IGSF21: variants seen among roughly 807,000 people sequenced by gnomAD.
IGSF21 encodes immunoglobulin superfamily member 21.
A neutral mutation model predicts 46.8 loss-of-function variants in IGSF21; 28 were observed. The ratio of observed to expected loss-of-function variants is 0.60; its 90% CI spans 0.44 to 0.82. The LOEUF (loss-of-function observed/expected upper bound fraction) is 0.82. IGSF21 is among the 40% of genes least tolerant of loss of function. The pLI is 0.00. For missense variants in IGSF21, 624 were observed against 665.5 expected (o/e 0.94, Z 0.69); for synonymous variants, 284 against 273.6 (o/e 1.04, Z -0.38).
intron 3 of IGSF21, among the ~76,000 whole-genome samples, chr1:18,309,103 G>A (rs564728457): frequency 1.8e-4 from 27 of 151,764 alleles, no homozygotes; most frequent in African/African-American, 5.6e-4. Context: ...AGCTTGCCCC[G>A]AGCAGAGCCA....
intron 1 of IGSF21, among the ~76,000 whole-genome samples, chr1:18,119,662 C>T (rs575748693): frequency 6.6e-6 from 1 of 152,160 alleles, no homozygotes; most frequent in African/African-American, 2.4e-5. Context: ...AGCTTTAATG[C>T]CCCTCTATCA....
At chr1:18,189,674 C>G (rs374168359) in intron 1 of IGSF21, among the ~76,000 whole-genome samples, 1 of 151,968 alleles carries the variant, frequency 6.6e-6, no homozygotes, top group Non-Finnish European at 1.5e-5. Context: ...CTCACTGATG[C>G]AGTTCACAGT....
rs889504472 is a variant in IGSF21 at position 18,337,556 on chromosome 1, T to C, written c.424+2546T>C. ...GCCCTGCACTAGTCTGAGGAATGAC[T>C]GCTCTGGGAACACAGCTTCACGCAC... On this transcript the variant is annotated intron_variant, in intron 4 of 9. Transcript: ENST00000251296. This position sits in a 1 kb window ranked among gnomAD's most constrained non-coding sequence, Gnocchi z 5.7. Among the ~76,000 whole-genome samples the C allele has an allele frequency of 2.0e-5, 3 of 152,260 alleles. No individual in the cohort carries two copies. The highest frequency in any genetic ancestry group is 6.5e-5 in the Admixed American group (1 of 15,308).
At chr1:18,371,629 A>C (rs2086226039) in intron 6 of IGSF21, among the ~76,000 whole-genome samples, 1 of 152,156 alleles carries the variant, frequency 6.6e-6, no homozygotes, top group Admixed American at 6.5e-5. Flanking sequence ...TCACTGTGTG[A>C]GTCCATTTAT....
At chr1:18,313,212 G>A (rs1256927681) in intron 3 of IGSF21, among the ~76,000 whole-genome samples, 2 of 152,158 alleles carry the variant, frequency 1.3e-5, no homozygotes, top group African/African-American at 4.8e-5. Context: ...GGGAGGTCTC[G>A]GGCTTCAAAT....
chr1:18,351,620 A>AGGC, intron 4 of IGSF21, among the ~76,000 whole-genome samples: 1 of 152,148 alleles, frequency 6.6e-6, no homozygotes, highest in South Asian at 2.1e-4. Context: ...CAGTTCTTGA[A>AGGC]TGTGCCTCCC....
intron 1 of IGSF21, among the ~76,000 whole-genome samples, chr1:18,123,694 G>A (rs1261595862): frequency 1.3e-5 from 2 of 152,128 alleles, no homozygotes; most frequent in Non-Finnish European, 1.5e-5. Flanking sequence ...AAAGAAGGGA[G>A]TGGAGGGATC....
At chr1:18,316,034 G>A (rs1196271776) in intron 3 of IGSF21, among the ~76,000 whole-genome samples, 1 of 152,190 alleles carries the variant, frequency 6.6e-6, no homozygotes, top group Non-Finnish European at 1.5e-5. Flanking sequence ...CTCCAGTGCA[G>A]GTATTCCCGC....
intron 1 of IGSF21, among the ~76,000 whole-genome samples, chr1:18,163,771 G>A (rs929622615): frequency 2.0e-5 from 3 of 152,146 alleles, no homozygotes; most frequent in Non-Finnish European, 4.4e-5. Context: ...GAACAGAAGT[G>A]CCCACCAATG....
At chr1:18,361,931 T>C in intron 4 of IGSF21, 184 bp from the exon 5 acceptor site, 1 of 586,018 alleles carries the variant, frequency 1.7e-6, no homozygotes, top group Non-Finnish European at 3.1e-6. Context: ...CTCTTGTCTA[T>C]ATTCCCAGCA....
chr1:18,317,269 T>C (rs1011540264), intron 3 of IGSF21, among the ~76,000 whole-genome samples: 1 of 152,208 alleles, frequency 6.6e-6, no homozygotes, highest in African/African-American at 2.4e-5. Context: ...ATTTCATCTT[T>C]TCCCATACTA....
rs563636024 is a variant in IGSF21 at position 18,245,418 on chromosome 1, A to G, written c.183+17408A>G. Among the ~76,000 whole-genome samples, 77 of 152,350 alleles carry G rather than the reference A, an allele frequency of 5.1e-4. 1 individual carries two copies. The Middle Eastern group carries it at 0.031, about 61-fold the overall frequency. ...AAACAAATAGCTTGTGTAGCAAATTAAAAGAGCTCTCAAGTATTTGTTTTT... is the reference window on the plus strand; with the variant it reads ...AAACAAATAGCTTGTGTAGCAAATTGAAAGAGCTCTCAAGTATTTGTTTTT... On this transcript the variant is annotated intron_variant, in intron 2 of 9. Transcript: ENST00000251296.
chr1:18,209,367 A>T (rs1360681232), intron 1 of IGSF21, among the ~76,000 whole-genome samples: 3 of 152,158 alleles, frequency 2.0e-5, no homozygotes, highest in African/African-American at 7.2e-5. Context: ...GGCCTGTCTC[A>T]ATGCCTTTCC....
chr1:18,357,977 A>G (rs2086039339), intron 4 of IGSF21, among the ~76,000 whole-genome samples: 1 of 152,168 alleles, frequency 6.6e-6, no homozygotes, highest in South Asian at 2.1e-4. Context: ...GGATGGAAAC[A>G]CAGCTCCAGT....
At chr1:18,197,763 C>T (rs1315980351) in intron 1 of IGSF21, among the ~76,000 whole-genome samples, 1 of 152,246 alleles carries the variant, frequency 6.6e-6, no homozygotes, top group Non-Finnish European at 1.5e-5. Flanking sequence ...CATCTATCAA[C>T]TGGGGAAATA....
chr1:18,184,239 T>G (rs1341822412), intron 1 of IGSF21, among the ~76,000 whole-genome samples: 1 of 152,198 alleles, frequency 6.6e-6, no homozygotes, highest in Non-Finnish European at 1.5e-5. Flanking sequence ...ATGTCCACCA[T>G]GATTTCAAAG....
At position 18,334,640 on chromosome 1, in the gene IGSF21, C is replaced by T. The variant is rs1005655231; in HGVS notation, c.306-252C>T. ...TCATGGAAGCCAACAGGCTAAATAA[C>T]TGCTCCAGGACCCACTGAGCACAAA... is the stretch of plus-strand genomic sequence containing the variant. On this transcript the variant is annotated intron_variant, in intron 3 of 9. Transcript: ENST00000251296. The surrounding 1 kb of genome is among the most constrained non-coding windows in gnomAD (Gnocchi z 4.3). Among the ~76,000 whole-genome samples the T allele has an allele frequency of 6.6e-6, 1 of 152,224 alleles. No homozygotes were observed. The highest frequency in any genetic ancestry group is 1.5e-5 in the Non-Finnish European group (1 of 68,036).
chr1:18,136,869 TTGA>T (rs2086372220), intron 1 of IGSF21, among the ~76,000 whole-genome samples: 1 of 152,210 alleles, frequency 6.6e-6, no homozygotes, highest in Non-Finnish European at 1.5e-5. Flanking sequence ...TTTCACGATA[TTGA>T]TTTTTCCTAC....
intron 2 of IGSF21, among the ~76,000 whole-genome samples, chr1:18,243,039 G>A (rs746429317): frequency 5.0e-4 from 76 of 152,208 alleles, no homozygotes; most frequent in Non-Finnish European, 9.1e-4. Context: ...GGGTCAGGAA[G>A]AGGGGAGGCA....
Sources: gnomAD v4.1 joint callset for allele counts (sites outside exome capture counted in the v4.1 genomes callset) on GRCh38, gnomAD v4.1.1 for gene constraint, Gnocchi (gnomAD v3.1) non-coding constraint, MANE v1.5 for transcripts, NCBI Gene and HGNC (gene_info 2026-07-23, HGNC 2026-07-21) for gene names.